Variants in GPATCH11 observed in about 807,000 individuals in gnomAD.
GPATCH11 encodes the protein G-patch domain containing 11, also known as G patch domain-containing protein 11.
A neutral mutation model predicts 44.8 loss-of-function variants in GPATCH11; 32 were observed. The observed-to-expected ratio is 0.71, with a 90% confidence interval of 0.54 to 0.96. GPATCH11 has a LOEUF of 0.96. Ranked by LOEUF, GPATCH11 falls within the 40% of genes least tolerant of loss-of-function variation. The probability of loss-of-function intolerance (pLI) is 0.00; values close to 1 mark genes in which losing one functional copy is unlikely to be tolerated. For missense variants in GPATCH11, 324 were observed against 303.1 expected (o/e 1.07, Z -0.51); for synonymous variants, 84 against 94.4 (o/e 0.89, Z 0.64).
chr2:37,085,137 G>A (rs1407339675), intron 1 of GPATCH11, among the ~76,000 whole-genome samples: 2 of 152,202 alleles, frequency 1.3e-5, no homozygotes, highest in African/African-American at 2.4e-5. Context: ...TAATGCTAAA[G>A]TATATTTTAC....
chr2:37,084,600 G>A (rs1672880940), intron 1 of GPATCH11, 30 bp downstream of exon 1: 2 of 1,227,272 alleles, frequency 1.6e-6, no homozygotes, highest in Non-Finnish European at 2.0e-6. Flanking sequence ...AGGGTCTGGG[G>A]ACAACCGGTA....
At chr2:37,093,991 G>C in intron 6 of GPATCH11, 91 bp from the exon 7 acceptor site, 5 of 829,230 alleles carry the variant, frequency 6.0e-6, no homozygotes, top group Non-Finnish European at 1.0e-5. Context: ...CAGTGAATAC[G>C]TATTGAAAGA....
At chr2:37,087,553 AC>A (rs1240124742) in intron 1 of GPATCH11, among the ~76,000 whole-genome samples, 1 of 152,262 alleles carries the variant, frequency 6.6e-6, no homozygotes, top group Admixed American at 6.5e-5. Flanking sequence ...GCCAATAATT[AC>A]ATGATTTTAA....
Position 37,089,701 on chromosome 2 carries a change from GA to G in GPATCH11, c.125del (p.Lys42SerfsTer7), listed in dbSNP as rs1558396624. ...AATCCGAGAAGCCCGTCGAAAAGAA[GA>G]AAAGCAACAGGAAGCCAATTTGAAA... ...RQIREARRKEEKQQEANLKNR... is the reference protein window; with the variant it reads ...RQIREARRKEXKQQEANLKNR... On this transcript the variant is annotated frameshift_variant, in exon 3 of 9. Transcript: ENST00000674370. LOFTEE classifies it high-confidence loss of function. 1 of 1,551,690 alleles carries G rather than the reference GA, an allele frequency of 6.4e-7. No individual in the cohort carries two copies. The highest frequency in any genetic ancestry group is 2.0e-5 in the Admixed American group (1 of 50,984).
At chr2:37,095,996 T>C (rs1352118837) in intron 8 of GPATCH11, among the ~76,000 whole-genome samples, 1 of 152,222 alleles carries the variant, frequency 6.6e-6, no homozygotes, top group Admixed American at 6.5e-5. Flanking sequence ...TTTCTCCTTC[T>C]AACACCTTTG....
chr2:37,088,576 C>T (rs899554790), intron 2 of GPATCH11, 136 bp downstream of exon 2: 2 of 533,206 alleles, frequency 3.8e-6, no homozygotes, highest in Non-Finnish European at 6.8e-6. Flanking sequence ...AGTGCAGTGG[C>T]ACAATCTTAG....
chr2:37,090,823 C>G (rs1464083977), intron 4 of GPATCH11, 101 bp downstream of exon 4: 1 of 611,872 alleles, frequency 1.6e-6, no homozygotes, highest in Non-Finnish European at 2.8e-6. Flanking sequence ...AATGATAATA[C>G]TGTTACAGTT....
intron 1 of GPATCH11, among the ~76,000 whole-genome samples, chr2:37,087,140 T>C (rs539470963): frequency 6.6e-6 from 1 of 152,284 alleles, no homozygotes; most frequent in South Asian, 2.1e-4. Flanking sequence ...TATATTCATA[T>C]AATGTAAGGA....
chr2:37,085,151 T>C (rs1672937967), intron 1 of GPATCH11, among the ~76,000 whole-genome samples: 1 of 152,222 alleles, frequency 6.6e-6, no homozygotes, highest in Non-Finnish European at 1.5e-5. Context: ...ATTTTACCAA[T>C]AGAAAGAGAG....
chr2:37,094,133 A>C lies in GPATCH11; in HGVS notation c.592A>C (p.Thr198Pro), dbSNP rs1673458734. 6.3e-7 allele frequency: 1 copy of C among 1,593,590 alleles called. No homozygotes were observed. The highest frequency in any genetic ancestry group is 1.8e-5 in the Admixed American group (1 of 56,688). Reference protein sequence around the residue: ...AWYWLRLEEETEEDEEEKEQD... With the variant: ...AWYWLRLEEEPEEDEEEKEQD... ...GTACTGGTTGAGGCTTGAAGAGGAG[A>C]CTGAAGAAGATGAAGAAGAAAAAGA... Residue 198 changes from threonine (T) to proline (P), a missense_variant, in exon 7 of 9, where the codon ACT (threonine) becomes CCT (proline). Transcript: ENST00000674370.
At position 37,089,898 on chromosome 2, in the gene GPATCH11, C is replaced by T. The variant is rs1472823040; in HGVS notation, c.286+32C>T. 4 of 1,414,670 alleles carry T rather than the reference C, an allele frequency of 2.8e-6. No individual in the cohort carries two copies. The African/African-American group carries it at 5.7e-5, about 20-fold the overall frequency. 87.6% of individuals were successfully genotyped at this position (1,414,670 alleles called of 1,614,324 possible). ...CACATGTGGAAATAAACAGGTATTCCTTACCACCTAATTGTGACTTATGGA... is the reference window on the plus strand; with the variant it reads ...CACATGTGGAAATAAACAGGTATTCTTTACCACCTAATTGTGACTTATGGA... On this transcript the variant is annotated intron_variant, in intron 3 of 8. Transcript: ENST00000674370.
chr2:37,084,545 A>G lies in GPATCH11; in HGVS notation c.-39A>G. The G allele has an allele frequency of 8.1e-7, 1 of 1,231,818 alleles. No homozygotes were observed. Among genetic ancestry groups the G allele is most frequent in the Non-Finnish European group, 1.0e-6 (1 of 988,300 alleles). 76.3% of individuals were successfully genotyped at this position (1,231,818 alleles called of 1,614,324 possible). A position where few individuals can be genotyped will look rare whatever the true frequency, so the allele number is the denominator to read the frequency against. On this transcript the variant is annotated 5_prime_UTR_variant, in exon 1 of 9. Transcript: ENST00000674370. ...GCGCAGCGCGCGCTCTACGGCGCTG[A>G]ACCGGGGCGAGCAGAGAGCTGTCAG...
intron 2 of GPATCH11, among the ~76,000 whole-genome samples, chr2:37,089,116 C>A (rs1673183451): frequency 6.6e-6 from 1 of 152,194 alleles, no homozygotes. Context: ...TTCGTGCTTT[C>A]CTTATTTTCC....
intron 1 of GPATCH11, among the ~76,000 whole-genome samples, chr2:37,086,630 C>A (rs1455590827): frequency 1.3e-5 from 2 of 152,130 alleles, no homozygotes; most frequent in African/African-American, 4.8e-5. Flanking sequence ...AAAACCCTGT[C>A]TCTATTAAAA....
chr2:37,098,676 ATTTACAGGC>A lies in GPATCH11; in HGVS notation c.*2414_*2422del. On this transcript the variant is annotated 3_prime_UTR_variant, in exon 9 of 9. Transcript: ENST00000674370. ...TGACTTCACCAGGATTGTGGTCTACATTTACAGGCCTAGTACTAGAACTAGACCGGCTTA... is the reference window on the plus strand; with the variant it reads ...TGACTTCACCAGGATTGTGGTCTACACTAGTACTAGAACTAGACCGGCTTA... The A allele has an allele frequency of 6.6e-6, 1 of 152,208 alleles. No homozygotes were observed. The highest frequency in any genetic ancestry group is 6.5e-5 in the Admixed American group (1 of 15,268). 9.4% of individuals were successfully genotyped at this position (152,208 alleles called of 1,614,324 possible). A position where few individuals can be genotyped will look rare whatever the true frequency, so the allele number is the denominator to read the frequency against.
chr2:37,088,550 C>A (rs1572976609), intron 2 of GPATCH11, 110 bp downstream of exon 2: 2 of 603,304 alleles, frequency 3.3e-6, no homozygotes, highest in East Asian at 3.0e-5. Context: ...GGGTCTCATT[C>A]TGTTAGCAAG....
Position 37,096,322 on chromosome 2 carries a change from T to C in GPATCH11, c.*59T>C, listed in dbSNP as rs1433161599. On this transcript the variant is annotated 3_prime_UTR_variant, in exon 9 of 9. Coordinates refer to ENST00000674370, the MANE Select transcript of GPATCH11 (RefSeq NM_174931.4). Reference sequence around the variant, plus strand: ...GTTATTACTTCCTAGGGATAGACAATTTAGCAGTTGGAAATCTCAAATTTT... The same window carrying C: ...GTTATTACTTCCTAGGGATAGACAACTTAGCAGTTGGAAATCTCAAATTTT... 9.1e-7 allele frequency: 1 copy of C among 1,096,896 alleles called. No individual in the cohort carries two copies. Among genetic ancestry groups the C allele is most frequent in the Non-Finnish European group, 1.3e-6 (1 of 758,518 alleles). The allele number at this position is 1,096,896 out of a possible 1,614,324, so 67.9% of individuals were successfully genotyped here. A position where few individuals can be genotyped will look rare whatever the true frequency, so the allele number is the denominator to read the frequency against.
intron 8 of GPATCH11, 145 bp from the exon 9 acceptor site, chr2:37,096,063 T>A: frequency 1.7e-6 from 1 of 597,070 alleles, no homozygotes; most frequent in Non-Finnish European, 2.9e-6. Context: ...AGTGAAGCAT[T>A]TTTGGTTATT....
At position 37,094,108 on chromosome 2, in the gene GPATCH11, G is replaced by T. The variant is rs1251236400; in HGVS notation, c.567G>T (p.Trp189Cys). The T allele has an allele frequency of 6.3e-7, 1 of 1,599,180 alleles. No homozygotes were observed. The change falls in exon 7 of 9, where the codon TGG (tryptophan) becomes TGT (cysteine). Residue 189 changes from tryptophan (W) to cysteine (C), a missense_variant. By Grantham distance (215) the Trp-to-Cys change is radical. Coordinates refer to ENST00000674370, the MANE Select transcript of GPATCH11 (RefSeq NM_174931.4). ...ATATTCAGGTTCCCAGGGAAGCATGGTACTGGTTGAGGCTTGAAGAGGAGA... is the reference window on the plus strand; with the variant it reads ...ATATTCAGGTTCCCAGGGAAGCATGTTACTGGTTGAGGCTTGAAGAGGAGA... Reference protein sequence around the residue: ...QKNIQVPREAWYWLRLEEETE... With the variant: ...QKNIQVPREACYWLRLEEETE...
Sources: allele counts gnomAD v4.1 joint callset (sites outside exome capture counted in the v4.1 genomes callset), GRCh38; gene constraint gnomAD v4.1.1; transcripts MANE v1.5; gene names NCBI Gene and HGNC (gene_info 2026-07-23, HGNC 2026-07-21).